Variants in IKZF2 observed in about 807,000 individuals in gnomAD.
IKZF2 encodes the protein zinc finger protein Helios.
A neutral mutation model predicts 49.2 loss-of-function variants in IKZF2; 15 were observed. The ratio of observed to expected loss-of-function variants is 0.30; its 90% CI spans 0.20 to 0.47. The LOEUF (loss-of-function observed/expected upper bound fraction) is 0.47, where lower values mean the gene tolerates loss of function less well. IKZF2 is among the 20% of genes least tolerant of loss of function. IKZF2 has a pLI of 1.00. For synonymous variants in IKZF2, 227 were observed against 221.4 expected (o/e 1.03, Z -0.23); for missense variants, 567 against 664.6 (o/e 0.85, Z 1.61).
Position 213,081,885 on chromosome 2 carries a change from G to A in IKZF2, c.140-24786C>T, listed in dbSNP as rs188029932. 2.0e-3 allele frequency among the ~76,000 whole-genome samples: 307 copies of A among 152,248 alleles called. 1 individual carries two copies. The highest frequency in any genetic ancestry group is 7.1e-3 in the African/African-American group (293 of 41,546). On this transcript the variant is annotated intron_variant, in intron 4 of 8. Coordinates refer to ENST00000434687, the MANE Select transcript of IKZF2 (RefSeq NM_001387220.1). The stretch of plus-strand genomic sequence containing the variant: ...CCTCCTAATATCCTCTGGGGGTAGG[G>A]TCCAGAATCTGAGTCCATTAAGGAT...
chr2:213,061,741 A>C (rs1701712752), intron 4 of IKZF2, among the ~76,000 whole-genome samples: 1 of 151,126 alleles, frequency 6.6e-6, no homozygotes, highest in South Asian at 2.1e-4. Context: ...AAGCTAAAGC[A>C]AAAAAAATAC....
chr2:213,062,836 C>G (rs563048806), intron 4 of IKZF2, among the ~76,000 whole-genome samples: 35 of 152,074 alleles, frequency 2.3e-4, no homozygotes, highest in Admixed American at 1.3e-3. Flanking sequence ...TAAACAGAAA[C>G]ACCAAACATG....
In IKZF2 at chr2:213,057,114, G is replaced by C; in HGVS notation, c.140-15C>G. 6.2e-7 allele frequency: 1 copy of C among 1,605,112 alleles called. No individual in the cohort carries two copies. On this transcript the variant is annotated splice_polypyrimidine_tract_variant and intron_variant, in intron 4 of 8. Coordinates refer to ENST00000434687, the MANE Select transcript of IKZF2 (RefSeq NM_001387220.1). Reference sequence around the variant, plus strand: ...TACTGAATTTGCTGTAATTTGAAAAGAAGAAAATAAATTTTAAATACATGT... The same window carrying C: ...TACTGAATTTGCTGTAATTTGAAAACAAGAAAATAAATTTTAAATACATGT...
At position 213,004,173 on chromosome 2, in the gene IKZF2, A is replaced by G. The variant is rs1297761849; in HGVS notation, c.*3187T>C. On this transcript the variant is annotated 3_prime_UTR_variant, in exon 9 of 9. Transcript: ENST00000434687. ...TTAAAAGAATGTGTGTGTAGTATAC[A>G]CACACATATACCCTATGATTCATAC... 5 of 151,836 alleles carry G rather than the reference A, an allele frequency of 3.3e-5. No individual in the cohort carries two copies. The East Asian group carries it at 9.7e-4, about 29-fold the overall frequency. 9.4% of individuals were successfully genotyped at this position (151,836 alleles called of 1,614,324 possible). A position where few individuals can be genotyped will look rare whatever the true frequency, so the allele number is the denominator to read the frequency against.
intron 4 of IKZF2, among the ~76,000 whole-genome samples, chr2:213,098,570 G>T (rs1367205658): frequency 1.3e-5 from 2 of 151,992 alleles, no homozygotes; most frequent in Non-Finnish European, 2.9e-5. Flanking sequence ...AAATCTCAAA[G>T]TCTAACATAA....
intron 4 of IKZF2, among the ~76,000 whole-genome samples, chr2:213,128,181 G>A (rs1206881891): frequency 6.6e-6 from 1 of 151,944 alleles, no homozygotes; most frequent in Non-Finnish European, 1.5e-5. Context: ...GAATGGGGTT[G>A]GTATTCATTA....
At chr2:213,141,296 G>C (rs1433031390) in intron 4 of IKZF2, among the ~76,000 whole-genome samples, 1 of 151,810 alleles carries the variant, frequency 6.6e-6, no homozygotes, top group African/African-American at 2.4e-5. Flanking sequence ...CTAGAGACTG[G>C]TCCCCATCCA....
intron 4 of IKZF2, among the ~76,000 whole-genome samples, chr2:213,096,718 A>C (rs1706038967): frequency 6.6e-6 from 1 of 151,984 alleles, no homozygotes; most frequent in African/African-American, 2.4e-5. Flanking sequence ...GTCTCAAAGA[A>C]GGCATTATTA....
chr2:213,116,144 C>T (rs1399603556), intron 4 of IKZF2, among the ~76,000 whole-genome samples: 1 of 152,102 alleles, frequency 6.6e-6, no homozygotes, highest in Non-Finnish European at 1.5e-5. Context: ...ACTCTTTCTT[C>T]GTTACAGGAA....
intron 6 of IKZF2, among the ~76,000 whole-genome samples, chr2:213,046,318 G>T (rs1482579): frequency 5.3e-5 from 8 of 151,918 alleles, no homozygotes; most frequent in Non-Finnish European, 1.2e-4. Flanking sequence ...TATACTGTAT[G>T]AGCAAGTAGC....
At chr2:213,098,750 C>T (rs952081192) in intron 4 of IKZF2, among the ~76,000 whole-genome samples, 5 of 152,074 alleles carry the variant, frequency 3.3e-5, no homozygotes, top group African/African-American at 4.8e-5. Flanking sequence ...CACTCTGTCC[C>T]GGTTAAAACC....
rs1371650323 is a variant in IKZF2, at chr2:213,150,168, A to G, written c.-40T>C. ...CAAAAGAAATTGTCCTTTGATTAAA[A>G]AAGATTCATCACCATTTCCAGCTCT... On this transcript the variant is annotated 5_prime_UTR_variant, in exon 2 of 9. Transcript: ENST00000434687. The G allele has an allele frequency of 7.7e-7, 1 of 1,303,784 alleles. No individual in the cohort carries two copies. The highest frequency in any genetic ancestry group is 5.5e-5 in the East Asian group (1 of 18,028). The allele number at this position is 1,303,784 out of a possible 1,614,324, so 80.8% of individuals were successfully genotyped here. A position where few individuals can be genotyped will look rare whatever the true frequency, so the allele number is the denominator to read the frequency against.
chr2:213,127,068 C>T (rs949114730), intron 4 of IKZF2, among the ~76,000 whole-genome samples: 2 of 152,188 alleles, frequency 1.3e-5, no homozygotes, highest in Non-Finnish European at 2.9e-5. Context: ...CAGCTACTTA[C>T]ATCAAATGCT....
chr2:213,014,965 G>A (rs1317221885), intron 7 of IKZF2: 1 of 151,978 alleles, frequency 6.6e-6, no homozygotes, highest in South Asian at 2.1e-4. Context: ...AGTATGCCCT[G>A]TAAAAATGAT....
intron 6 of IKZF2, among the ~76,000 whole-genome samples, chr2:213,042,867 T>C (rs1274730253): frequency 6.6e-6 from 1 of 151,878 alleles, no homozygotes; most frequent in Non-Finnish European, 1.5e-5. Flanking sequence ...AATAACAAAA[T>C]ATATATTACA....
At chr2:213,044,700 A>G (rs1350804490) in intron 6 of IKZF2, among the ~76,000 whole-genome samples, 2 of 152,228 alleles carry the variant, frequency 1.3e-5, no homozygotes, top group Admixed American at 6.5e-5. Flanking sequence ...GAGTGCCTGG[A>G]ATACTCAAGT....
At chr2:213,097,063 T>C (rs1376109548) in intron 4 of IKZF2, among the ~76,000 whole-genome samples, 10 of 151,984 alleles carry the variant, frequency 6.6e-5, no homozygotes, top group Admixed American at 6.6e-4. Context: ...GACTAAACTA[T>C]TATTTTCTAT....
chr2:213,087,347 C>G (rs937035594), intron 4 of IKZF2, among the ~76,000 whole-genome samples: 1 of 152,076 alleles, frequency 6.6e-6, no homozygotes, highest in African/African-American at 2.4e-5. Flanking sequence ...GTTCCTCACA[C>G]GTACGCATAA....
intron 8 of IKZF2, among the ~76,000 whole-genome samples, chr2:213,013,248 A>G (rs1410073234): frequency 6.6e-6 from 1 of 152,036 alleles, no homozygotes; most frequent in Non-Finnish European, 1.5e-5. Context: ...CATTCCAGAT[A>G]AAATACGAAA....
Sources: allele counts gnomAD v4.1 joint callset (sites outside exome capture counted in the v4.1 genomes callset), GRCh38; gene constraint gnomAD v4.1.1; transcripts MANE v1.5; gene names NCBI Gene and HGNC (gene_info 2026-07-23, HGNC 2026-07-21).